The following ELMO1 variants were observed in gnomAD, a reference collection of about 807,000 sequenced individuals.
ELMO1 encodes engulfment and cell motility 1.
In ELMO1, 26 loss-of-function variants were observed where a neutral mutation model predicts 98.9. The ratio of observed to expected loss-of-function variants is 0.26; its 90% CI spans 0.19 to 0.36. The LOEUF (loss-of-function observed/expected upper bound fraction) is 0.36. ELMO1 is among the 10% of genes least tolerant of loss of function. ELMO1 has a pLI of 1.00. For missense variants in ELMO1, 627 were observed against 935.2 expected, an observed-to-expected ratio of 0.67 and a Z score of 4.30; for synonymous variants, 346 against 346.0, an observed-to-expected ratio of 1.00 and a Z score of 0.00.
At chr7:36,873,711 G>T (rs554159647) in intron 19 of ELMO1, among the ~76,000 whole-genome samples, 1 of 152,324 alleles carries the variant, frequency 6.6e-6, no homozygotes, top group Admixed American at 6.5e-5. Context: ...AAATCATGCT[G>T]AGCACAGCCC....
At chr7:37,333,808 G>A (rs1215006816) in intron 2 of ELMO1, among the ~76,000 whole-genome samples, 1 of 152,178 alleles carries the variant, frequency 6.6e-6, no homozygotes, top group East Asian at 1.9e-4. Flanking sequence ...TGAAAGCAAT[G>A]GTGCAGTATC....
chr7:36,996,389 T>A (rs1322601084), intron 16 of ELMO1, among the ~76,000 whole-genome samples: 1 of 152,070 alleles, frequency 6.6e-6, no homozygotes, highest in Non-Finnish European at 1.5e-5. Flanking sequence ...GGATAAAAAT[T>A]CAATTTAAGT....
At chr7:36,872,759 A>G (rs1003676756) in intron 19 of ELMO1, among the ~76,000 whole-genome samples, 3 of 152,216 alleles carry the variant, frequency 2.0e-5, no homozygotes, top group African/African-American at 7.2e-5. Context: ...TGGAAAACCC[A>G]CCATTGAAGT....
At chr7:37,435,372 G>T (rs1433132911) in intron 1 of ELMO1, among the ~76,000 whole-genome samples, 1 of 152,138 alleles carries the variant, frequency 6.6e-6, no homozygotes, top group Non-Finnish European at 1.5e-5. Flanking sequence ...GTCCTAGGGT[G>T]GTTTCCACCC....
chr7:37,281,101 T>G (rs1463549210), intron 4 of ELMO1, among the ~76,000 whole-genome samples: 1 of 151,722 alleles, frequency 6.6e-6, no homozygotes, highest in Non-Finnish European at 1.5e-5. Flanking sequence ...CAGATGAGAT[T>G]GGAGACTATT....
rs531367716 is a variant in ELMO1 at position 37,252,085 on chromosome 7, CACAA to C, written c.413+7092_413+7095del. Among the ~76,000 whole-genome samples, 12 of 152,126 alleles carry C rather than the reference CACAA, an allele frequency of 7.9e-5. No homozygotes were observed. In the South Asian group the frequency reaches 2.3e-3, roughly 29 times the overall value. On this transcript the variant is annotated intron_variant, in intron 6 of 21. Transcript: ENST00000310758. ...TACTGCTCAAGGAAATAAGAGAGGA[CACAA>C]ACAAATGAAAAAACATTCCATGCTC...
chr7:37,166,598 C>T (rs1016661905), intron 13 of ELMO1, among the ~76,000 whole-genome samples: 7 of 152,174 alleles, frequency 4.6e-5, no homozygotes, highest in East Asian at 3.9e-4. Flanking sequence ...GTTATGTACC[C>T]AGTAGTCATT....
intron 4 of ELMO1, among the ~76,000 whole-genome samples, chr7:37,287,955 T>A (rs187625690): frequency 9.7e-4 from 147 of 152,278 alleles, no homozygotes; most frequent in African/African-American, 3.4e-3. Flanking sequence ...GTCACCTTTT[T>A]TTTGTTTATT....
intron 4 of ELMO1, among the ~76,000 whole-genome samples, chr7:37,287,011 G>A (rs1038346610): frequency 1.3e-5 from 2 of 152,044 alleles, no homozygotes; most frequent in Non-Finnish European, 1.5e-5. Flanking sequence ...TGGCCAATAC[G>A]GTGAAACCCT....
At chr7:37,161,918 A>ATATATG (rs1448749025) in intron 13 of ELMO1, among the ~76,000 whole-genome samples, 957 of 90,732 alleles carry the variant, frequency 0.011, 90 homozygotes, top group African/African-American at 0.032. Context: ...ATATATATAT[A>ATATATG]TATATATATA....
At chr7:37,320,267 G>T (rs566209287) in intron 2 of ELMO1, among the ~76,000 whole-genome samples, 41 of 149,658 alleles carry the variant, frequency 2.7e-4, no homozygotes, top group African/African-American at 9.6e-4. Flanking sequence ...GACAGAGCAA[G>T]ACTCTGTCTC....
At chr7:37,159,805 C>T (rs975817228) in intron 13 of ELMO1, among the ~76,000 whole-genome samples, 15 of 152,194 alleles carry the variant, frequency 9.9e-5, no homozygotes, top group African/African-American at 2.7e-4. Flanking sequence ...AACAACTACA[C>T]CTGTAATGTG....
At chr7:37,397,664 G>T (rs1459929327) in intron 1 of ELMO1, among the ~76,000 whole-genome samples, 2 of 152,092 alleles carry the variant, frequency 1.3e-5, no homozygotes, top group Admixed American at 1.3e-4. Context: ...ATACCCAAAG[G>T]AATATAAATC....
intron 4 of ELMO1, among the ~76,000 whole-genome samples, chr7:37,301,950 C>T (rs1244059542): frequency 6.6e-6 from 1 of 152,168 alleles, no homozygotes; most frequent in Admixed American, 6.5e-5. Context: ...TGTCCTTCCT[C>T]TTGGTTTAAA....
chr7:36,906,925 C>A lies in ELMO1; in HGVS notation c.1438-11908G>T, dbSNP rs142097953. 2.6e-3 allele frequency among the ~76,000 whole-genome samples: 398 copies of A among 152,226 alleles called. 2 individuals carry two copies. The highest frequency in any genetic ancestry group is 9.1e-3 in the African/African-American group (380 of 41,538). On this transcript the variant is annotated intron_variant, in intron 16 of 21. Coordinates refer to ENST00000310758, the MANE Select transcript of ELMO1 (RefSeq NM_014800.11). ...TTCTTTGCTTTTAGAAATATATGTCCATTCTTACCCTATTGCTTTAACAAC... is the reference window on the plus strand; with the variant it reads ...TTCTTTGCTTTTAGAAATATATGTCAATTCTTACCCTATTGCTTTAACAAC...
intron 15 of ELMO1, among the ~76,000 whole-genome samples, chr7:37,033,704 A>C (rs768680958): frequency 6.6e-6 from 1 of 152,224 alleles, no homozygotes; most frequent in African/African-American, 2.4e-5. Context: ...TGCAAGGCAA[A>C]TCTGTCCCAT....
chr7:37,212,845 C>G (rs1793056720), intron 12 of ELMO1, among the ~76,000 whole-genome samples: 1 of 152,146 alleles, frequency 6.6e-6, no homozygotes, highest in South Asian at 2.1e-4. Flanking sequence ...CAACAAGAGA[C>G]CCAGCAGAGA....
chr7:37,411,159 T>C (rs1272930213), intron 1 of ELMO1, among the ~76,000 whole-genome samples: 2 of 152,250 alleles, frequency 1.3e-5, no homozygotes, highest in Non-Finnish European at 2.9e-5. Flanking sequence ...CTTACCAATA[T>C]TCTAAATGGG....
At chr7:37,335,380 C>T (rs1050507327) in intron 2 of ELMO1, among the ~76,000 whole-genome samples, 1 of 152,020 alleles carries the variant, frequency 6.6e-6, no homozygotes, top group Non-Finnish European at 1.5e-5. Context: ...CGGGAACAAG[C>T]GTCTAAAGGA....
Sources: gnomAD v4.1 joint callset for allele counts (sites outside exome capture counted in the v4.1 genomes callset) on GRCh38, gnomAD v4.1.1 for gene constraint, MANE v1.5 for transcripts, NCBI Gene and HGNC (gene_info 2026-07-23, HGNC 2026-07-21) for gene names.